The following PRAM1 variants were observed in gnomAD, a reference collection of about 807,000 sequenced individuals.
The protein encoded by PRAM1 is PML-RARA-regulated adapter molecule 1.
A neutral mutation model predicts 55.3 loss-of-function variants in PRAM1; 41 were observed. That is an observed-to-expected ratio of 0.74 (90% CI 0.58 to 0.96). The LOEUF is 0.96. Ranked by LOEUF, PRAM1 falls within the 40% of genes least tolerant of loss-of-function variation. The pLI is 0.00. For synonymous variants in PRAM1, 401 were observed against 387.1 expected, an observed-to-expected ratio of 1.04 and a Z score of -0.42; for missense variants, 898 against 892.7, an observed-to-expected ratio of 1.01 and a Z score of -0.08.
In PRAM1 at chr19:8,499,756, T is replaced by C; in HGVS notation, c.52A>G (p.Ile18Val). Residue 18 changes from isoleucine to valine, a missense_variant, in exon 2 of 10, where the codon ATC becomes GTC. Ile to Val is a conservative substitution (Grantham distance 29). Transcript: ENST00000423345. ...AMESHQDFRSIKAKFQASQPE... is the reference protein window; with the variant it reads ...AMESHQDFRSVKAKFQASQPE... ...TGAGAGGCCTGGAACTTTGCTTTGATGCTCCGGAAGTCCTGATGGCTCTCC... is the reference window on the plus strand; with the variant it reads ...TGAGAGGCCTGGAACTTTGCTTTGACGCTCCGGAAGTCCTGATGGCTCTCC... 1.9e-6 allele frequency: 3 copies of C among 1,609,810 alleles called. No individual in the cohort carries two copies. The South Asian group carries it at 3.3e-5, about 18-fold the overall frequency.
rs745309046 is a variant in PRAM1, at chr19:8,499,603, A to G, written c.205T>C (p.Leu69=). The change falls in exon 2 of 10, where the codon TTG becomes CTG. Residue 69 remains leucine (L), a synonymous_variant. Transcript: ENST00000423345. ...GTGACCTCAGGCGGCGGGGGCTTCA[A>G]GGACACTGCACCAAACTCAGGCAGC... is the stretch of plus-strand genomic sequence containing the variant. The part of the protein sequence containing the change: ...APLPEFGAVS[L]KPPPPEVTDL... The G allele has an allele frequency of 3.3e-6, 5 of 1,501,816 alleles. No homozygotes were observed. Among genetic ancestry groups the G allele is most frequent in the Admixed American group, 1.9e-5 (1 of 52,526 alleles). 93.0% of individuals were successfully genotyped at this position (1,501,816 alleles called of 1,614,324 possible). A position where few individuals can be genotyped will look rare whatever the true frequency, so the allele number is the denominator to read the frequency against.
intron 4 of PRAM1, chr19:8,491,694 A>C (rs1468735519): frequency 5.8e-6 from 1 of 171,182 alleles, no homozygotes; most frequent in South Asian, 1.3e-4. Flanking sequence ...AACTCCTGCC[A>C]CGTGCTCAGC....
chr19:8,498,342 C>G (rs753251335), intron 2 of PRAM1, 34 bp downstream of exon 2: 46 of 1,589,692 alleles, frequency 2.9e-5, no homozygotes, highest in Non-Finnish European at 3.8e-5. Flanking sequence ...GACCTCAGCC[C>G]CCGCTCCTGC....
chr19:8,498,099 C>T (rs1971725751), intron 3 of PRAM1, 124 bp downstream of exon 3: 1 of 1,063,604 alleles, frequency 9.4e-7, no homozygotes. Context: ...AGGCTGTTGT[C>T]GAACTCCTGA....
intron 4 of PRAM1, among the ~76,000 whole-genome samples, chr19:8,497,368 G>T (rs1971713341): frequency 6.6e-6 from 1 of 151,954 alleles, no homozygotes; most frequent in Non-Finnish European, 1.5e-5. Flanking sequence ...GTAGAGATGA[G>T]GTCTCGCTCT....
In PRAM1 at chr19:8,490,980, G is replaced by C. The variant is rs1460893886; in HGVS notation, c.1650C>G (p.Pro550=). ...QDPALRKEKD[P]QPQQLPPMDP... ...CCATGGGTGGCAACTGCTGTGGCTG[G>C]GGATCCTTCTCCTTCCTGATAGCCC... Residue 550 remains proline (P), a synonymous_variant, in exon 6 of 10, where the codon CCC becomes CCG. Transcript: ENST00000423345. The surrounding 1 kb of genome is among the most constrained non-coding windows in gnomAD (Gnocchi z 7.3). 6.2e-7 allele frequency: 1 copy of C among 1,613,298 alleles called. No homozygotes were observed. Among genetic ancestry groups the C allele is most frequent in the Non-Finnish European group, 8.5e-7 (1 of 1,179,884 alleles).
intron 4 of PRAM1, among the ~76,000 whole-genome samples, chr19:8,496,950 C>T (rs977537435): frequency 7.2e-5 from 11 of 151,970 alleles, no homozygotes; most frequent in Non-Finnish European, 1.2e-4. Flanking sequence ...GGCATGAACC[C>T]GGGAGGCGGA....
At chr19:8,491,302 C>T (rs1373678608) in intron 4 of PRAM1, 145 bp from the exon 5 acceptor site, 18 of 815,980 alleles carry the variant, frequency 2.2e-5, no homozygotes, top group South Asian at 4.6e-5. Context: ...GGCACAATCT[C>T]GGCTCACTGC....
chr19:8,501,911 T>G (rs1480498331), intron 1 of PRAM1, among the ~76,000 whole-genome samples: 2 of 152,166 alleles, frequency 1.3e-5, no homozygotes, highest in East Asian at 3.9e-4. Context: ...GGTAGGCAGA[T>G]TCACAAGAAG....
chr19:8,490,254 C>T lies in PRAM1; in HGVS notation c.1976-28G>A. Reference sequence around the variant, plus strand: ...GCCGAGGAAGCGTGACTTCCATGGACCCCTCTCCCCAGAAGCCCAATAGTG... The same window carrying T: ...GCCGAGGAAGCGTGACTTCCATGGATCCCTCTCCCCAGAAGCCCAATAGTG... On this transcript the variant is annotated intron_variant, in intron 9 of 9. Coordinates refer to ENST00000423345, the MANE Select transcript of PRAM1 (RefSeq NM_032152.5). This position sits in a 1 kb window ranked among gnomAD's most constrained non-coding sequence, Gnocchi z 7.3. 8 of 1,610,474 alleles carry T rather than the reference C, an allele frequency of 5.0e-6. No individual in the cohort carries two copies. Among genetic ancestry groups the T allele is most frequent in the Non-Finnish European group, 6.8e-6 (8 of 1,177,856 alleles).
intron 5 of PRAM1, 34 bp downstream of exon 5, chr19:8,491,065 GC>G: frequency 1.1e-5 from 17 of 1,611,266 alleles, no homozygotes; most frequent in Non-Finnish European, 1.2e-5. Context: ...CCTGGAGCTC[GC>G]CCCCCGTCTG....
In PRAM1 at chr19:8,490,806, C is replaced by T. The variant is rs1398717452; in HGVS notation, c.1744-50G>A. On this transcript the variant is annotated intron_variant, in intron 6 of 9. Transcript: ENST00000423345. This position sits in a 1 kb window ranked among gnomAD's most constrained non-coding sequence, Gnocchi z 7.3. The stretch of plus-strand genomic sequence containing the variant: ...CTGCTTGTGCTGCCGCCCTTGGGCC[C>T]CTGTCTTCTTTCTGAGCCTGGGATC... The T allele has an allele frequency of 1.0e-5, 16 of 1,606,752 alleles. No individual in the cohort carries two copies. Among genetic ancestry groups the T allele is most frequent in the Admixed American group, 5.0e-5 (3 of 59,938 alleles).
intron 4 of PRAM1, among the ~76,000 whole-genome samples, chr19:8,495,518 G>A (rs1202463602): frequency 6.6e-6 from 1 of 152,184 alleles, no homozygotes; most frequent in African/African-American, 2.4e-5. Flanking sequence ...GGGATGACAG[G>A]TGTGAGCTGC....
rs376535244 is a variant in PRAM1 at position 8,499,717 on chromosome 19, C to G, written c.91G>C (p.Asp31His). 6.2e-7 allele frequency: 1 copy of G among 1,613,662 alleles called. No individual in the cohort carries two copies. Among genetic ancestry groups the G allele is most frequent in the East Asian group, 2.2e-5 (1 of 44,870 alleles). Residue 31 changes from aspartate to histidine, a missense_variant, in exon 2 of 10, where the codon GAC becomes CAC. Coordinates refer to ENST00000423345, the MANE Select transcript of PRAM1 (RefSeq NM_032152.5). The part of the protein sequence containing the change: ...KFQASQPEPS[D>H]LPKKPPKPEF... ...GGCTTCGGAGGTTTTTTGGGCAGGT[C>G]GCTGGGCTCCGGCTGAGAGGCCTGG...
In PRAM1 at chr19:8,499,717, C is replaced by T. The variant is rs376535244; in HGVS notation, c.91G>A (p.Asp31Asn). ...GGCTTCGGAGGTTTTTTGGGCAGGT[C>T]GCTGGGCTCCGGCTGAGAGGCCTGG... ...KFQASQPEPS[D>N]LPKKPPKPEF... The change falls in exon 2 of 10, where the codon GAC becomes AAC. Residue 31 changes from aspartate to asparagine, a missense_variant. This residue lies in a region of PRAM1 where 79 missense variants were observed against 93.4 expected (regional missense o/e 0.85). Transcript: ENST00000423345. The T allele has an allele frequency of 7.9e-5, 127 of 1,613,662 alleles. No individual in the cohort carries two copies. Among genetic ancestry groups the T allele is most frequent in the Admixed American group, 6.7e-5 (4 of 59,974 alleles).
At chr19:8,501,828 A>G (rs1971810794) in intron 1 of PRAM1, among the ~76,000 whole-genome samples, 1 of 152,164 alleles carries the variant, frequency 6.6e-6, no homozygotes, top group Non-Finnish European at 1.5e-5. Flanking sequence ...CACCGTGGGC[A>G]CAGGCGCTGT....
At chr19:8,497,701 G>A in intron 4 of PRAM1, 63 bp downstream of exon 4, 1 of 1,373,514 alleles carries the variant, frequency 7.3e-7, no homozygotes, top group Non-Finnish European at 1.0e-6. Context: ...TACACCAGGA[G>A]CATGGCAGAA....
chr19:8,498,068 C>T (rs898921496), intron 3 of PRAM1, among the ~76,000 whole-genome samples, 155 bp downstream of exon 3: 10 of 151,662 alleles, frequency 6.6e-5, no homozygotes, highest in African/African-American at 1.7e-4. Context: ...TTTTAGTAGA[C>T]GGGGTTTCAC....
chr19:8,499,205 G>A lies in PRAM1; in HGVS notation c.603C>T (p.Thr201=). The change falls in exon 2 of 10, where the codon ACC becomes ACT. Residue 201 remains threonine (T), a synonymous_variant. Transcript: ENST00000423345. ...KLWQPEAGEA[T]PRSPQPELST... is the part of the protein sequence containing the mutation. ...TCAACTCAGGCTGCGGGGACCTCGG[G>A]GTAGCCTCACCGGCCTCGGGTTGCC... 2 of 1,613,714 alleles carry A rather than the reference G, an allele frequency of 1.2e-6. No individual in the cohort carries two copies. The highest frequency in any genetic ancestry group is 2.2e-5 in the South Asian group (2 of 91,076).
Sources: gnomAD v4.1 joint callset for allele counts (sites outside exome capture counted in the v4.1 genomes callset) on GRCh38, gnomAD v4.1.1 for gene constraint, gnomAD v4.1.1 regional missense constraint, Gnocchi (gnomAD v3.1) non-coding constraint, MANE v1.5 for transcripts, NCBI Gene and HGNC (gene_info 2026-07-23, HGNC 2026-07-21) for gene names.